ADARB2: variants seen among roughly 807,000 people sequenced by gnomAD.
The protein encoded by ADARB2 is inactive double-stranded RNA-specific editase B2.
In ADARB2, 25 loss-of-function variants were observed where a neutral mutation model predicts 62.2. The observed-to-expected ratio is 0.40, with a 90% CI of 0.29 to 0.56. The LOEUF is 0.56. ADARB2 is among the 20% of genes least tolerant of loss of function. The pLI, the probability that ADARB2 is intolerant of heterozygous loss-of-function variation, is 0.43. For missense variants in ADARB2, 1,071 were observed against 1,077.4 expected, an observed-to-expected ratio of 0.99 and a Z score of 0.08; for synonymous variants, 572 against 500.8, an observed-to-expected ratio of 1.14 and a Z score of -1.90.
chr10:1,332,481 G>T (rs71494953), intron 3 of ADARB2, among the ~76,000 whole-genome samples: 42,689 of 130,232 alleles, frequency 0.33, 6,861 homozygotes, highest in Non-Finnish European at 0.36. Flanking sequence ...CATCAGTTTT[G>T]TTTTTTTTTT....
At chr10:1,246,162 T>G (rs978970115) in intron 4 of ADARB2, among the ~76,000 whole-genome samples, 1 of 152,234 alleles carries the variant, frequency 6.6e-6, no homozygotes, top group Non-Finnish European at 1.5e-5. Flanking sequence ...GTTCATATCC[T>G]TCACCCACTT....
chr10:1,599,646 C>T (rs1833382314), intron 1 of ADARB2, among the ~76,000 whole-genome samples: 2 of 152,202 alleles, frequency 1.3e-5, no homozygotes, highest in African/African-American at 4.8e-5. Context: ...AACAGAAAGA[C>T]AGATTGTGAA....
At chr10:1,558,244 C>T (rs1832733064) in intron 1 of ADARB2, among the ~76,000 whole-genome samples, 1 of 149,222 alleles carries the variant, frequency 6.7e-6, no homozygotes. Flanking sequence ...CATGGGTGCT[C>T]AGACCCCGCA....
In ADARB2 at chr10:1,222,381, T is replaced by C. The variant is rs906800762; in HGVS notation, c.1514-5262A>G. ...TTTGTAGTTTGCCTGTTCACTCTGA[T>C]GTTAGTTTCTTTTGCTGTGCAGAAG... On this transcript the variant is annotated intron_variant, in intron 6 of 9. Coordinates refer to ENST00000381312, the MANE Select transcript of ADARB2 (RefSeq NM_018702.4). Among the ~76,000 whole-genome samples, 4 of 152,180 alleles carry C rather than the reference T, an allele frequency of 2.6e-5. No homozygotes were observed. In the South Asian group the frequency reaches 8.3e-4, roughly 31 times the overall value.
intron 8 of ADARB2, among the ~76,000 whole-genome samples, chr10:1,193,279 C>T (rs1253313479): frequency 6.6e-6 from 1 of 152,182 alleles, no homozygotes; most frequent in African/African-American, 2.4e-5. Flanking sequence ...GACGACCGCT[C>T]AGGTTCCCCC....
At chr10:1,629,993 G>C (rs1473865875) in intron 1 of ADARB2, among the ~76,000 whole-genome samples, 1 of 151,984 alleles carries the variant, frequency 6.6e-6, no homozygotes, top group Non-Finnish European at 1.5e-5. Context: ...CCGAGCCCTT[G>C]CTCACCCCAG....
chr10:1,546,195 G>A lies in ADARB2; in HGVS notation c.101-167035C>T, dbSNP rs538240578. Among the ~76,000 whole-genome samples the A allele has an allele frequency of 9.2e-5, 14 of 152,106 alleles. 1 individual carries two copies. Among genetic ancestry groups the A allele is most frequent in the Non-Finnish European group, 1.5e-4 (10 of 68,038 alleles). On this transcript the variant is annotated intron_variant, in intron 1 of 9. Transcript: ENST00000381312. ...CATGGTTACATTTCTTCCCTGCTACGTGAACTCCCGATTTTAGTCGGTCCA... is the reference window on the plus strand; with the variant it reads ...CATGGTTACATTTCTTCCCTGCTACATGAACTCCCGATTTTAGTCGGTCCA...
chr10:1,462,575 G>A (rs1185166083), intron 1 of ADARB2, among the ~76,000 whole-genome samples: 1 of 152,024 alleles, frequency 6.6e-6, no homozygotes, highest in Admixed American at 6.5e-5. Flanking sequence ...GTATGTGCCT[G>A]TGTGTATGTA....
chr10:1,440,882 G>T (rs1830897369), intron 1 of ADARB2, among the ~76,000 whole-genome samples: 1 of 152,210 alleles, frequency 6.6e-6, no homozygotes, highest in South Asian at 2.1e-4. Context: ...CTTAGCCAAG[G>T]TGCTCACAGA....
intron 5 of ADARB2, among the ~76,000 whole-genome samples, chr10:1,240,949 C>T (rs2131776207): frequency 6.6e-6 from 1 of 152,338 alleles, no homozygotes; most frequent in Middle Eastern, 3.4e-3. Context: ...CAACCTGTGG[C>T]TCCCTGCTCA....
At chr10:1,730,776 TAAAAAAC>T in intron 1 of ADARB2, among the ~76,000 whole-genome samples, 1 of 152,288 alleles carries the variant, frequency 6.6e-6, no homozygotes, top group Non-Finnish European at 1.5e-5. Context: ...GTTTTCAGAT[TAAAAAAC>T]TGAACGTTAA....
intron 1 of ADARB2, among the ~76,000 whole-genome samples, chr10:1,470,664 G>A (rs146557581): frequency 6.4e-4 from 98 of 152,324 alleles, no homozygotes; most frequent in Admixed American, 2.0e-3. Flanking sequence ...AGTGTAACGT[G>A]TAAATGATCA....
At chr10:1,575,686 G>T (rs1315072487) in intron 1 of ADARB2, among the ~76,000 whole-genome samples, 3 of 152,196 alleles carry the variant, frequency 2.0e-5, no homozygotes, top group Non-Finnish European at 2.9e-5. Context: ...GGTGGAGGAG[G>T]GTGGGAGGTT....
chr10:1,572,197 TGGTGAGTGTGCA>T (rs1475599622), intron 1 of ADARB2, among the ~76,000 whole-genome samples: 21 of 121,162 alleles, frequency 1.7e-4, no homozygotes, highest in Non-Finnish European at 1.0e-4. Flanking sequence ...GTGAGTGTGC[TGGTGAGTGTGCA>T]GGTGAGTGTA....
chr10:1,600,323 G>C (rs1308005256), intron 1 of ADARB2, among the ~76,000 whole-genome samples: 1 of 151,994 alleles, frequency 6.6e-6, no homozygotes, highest in African/African-American at 2.4e-5. Flanking sequence ...TCATTGCCCG[G>C]GTCCAATCCT....
chr10:1,519,297 C>A (rs909701568), intron 1 of ADARB2, among the ~76,000 whole-genome samples: 9 of 152,054 alleles, frequency 5.9e-5, no homozygotes, highest in Non-Finnish European at 1.3e-4. Flanking sequence ...CATGTAACAT[C>A]TGCATGTGGT....
At chr10:1,354,749 C>T (rs532499378) in intron 3 of ADARB2, among the ~76,000 whole-genome samples, 3 of 152,362 alleles carry the variant, frequency 2.0e-5, no homozygotes, top group East Asian at 1.9e-4. Context: ...TTCATTTAAA[C>T]GTTGGCTTTT....
rs371194091 is a variant in ADARB2 at position 1,242,124 on chromosome 10, C to G, written c.1361+7G>C. 4 of 1,595,132 alleles carry G rather than the reference C, an allele frequency of 2.5e-6. No homozygotes were observed. Among genetic ancestry groups the G allele is most frequent in the Non-Finnish European group, 2.6e-6 (3 of 1,171,728 alleles). On this transcript the variant is annotated splice_region_variant and intron_variant, in intron 5 of 9. Transcript: ENST00000381312. ...GCCTTCCCTGGAGCCCGTCCCCAGC[C>G]GCTCACCTCAGGTGCAGCTCCAGCT...
At chr10:1,209,010 C>T (rs775344622) in intron 7 of ADARB2, among the ~76,000 whole-genome samples, 16 of 152,148 alleles carry the variant, frequency 1.1e-4, no homozygotes, top group Non-Finnish European at 2.1e-4. Flanking sequence ...TGTGGTTCAT[C>T]GTGGGTCCCC....
Sources: gnomAD v4.1 joint callset for allele counts (sites outside exome capture counted in the v4.1 genomes callset) on GRCh38, gnomAD v4.1.1 for gene constraint, MANE v1.5 for transcripts, NCBI Gene and HGNC (gene_info 2026-07-23, HGNC 2026-07-21) for gene names.